The following CRYBG1 variants were observed in gnomAD, a reference collection of about 807,000 sequenced individuals.
The protein encoded by CRYBG1 is crystallin beta-gamma domain containing 1.
A neutral mutation model predicts 189.2 loss-of-function variants in CRYBG1; 139 were observed. The ratio of observed to expected loss-of-function variants is 0.73; its 90% confidence interval spans 0.64 to 0.85. The LOEUF is 0.85. CRYBG1 is among the 40% of genes least tolerant of loss of function. The pLI, the probability that CRYBG1 is intolerant of heterozygous loss-of-function variation, is 0.00. For missense variants in CRYBG1, 2,611 were observed against 2,675.8 expected (o/e 0.98, Z 0.53); for synonymous variants, 1,023 against 1,017.1 (o/e 1.01, Z -0.11).
chr6:106,480,281 C>G (rs1251798810), intron 2 of CRYBG1, among the ~76,000 whole-genome samples: 2 of 151,990 alleles, frequency 1.3e-5, no homozygotes, highest in Non-Finnish European at 2.9e-5. Flanking sequence ...AAAAGTGATG[C>G]AGTATGATAG....
At chr6:106,376,426 A>G (rs1033707688) in intron 1 of CRYBG1, among the ~76,000 whole-genome samples, 2 of 152,160 alleles carry the variant, frequency 1.3e-5, no homozygotes, top group African/African-American at 4.8e-5. Flanking sequence ...TTTAATGACT[A>G]CATGAACCTA....
chr6:106,423,398 T>A (rs1771166722), intron 1 of CRYBG1, among the ~76,000 whole-genome samples: 1 of 151,828 alleles, frequency 6.6e-6, no homozygotes, highest in Admixed American at 6.6e-5. Context: ...AAAAAAAAAA[T>A]TCCTTTATCT....
Position 106,525,280 on chromosome 6 carries a change from A to T in CRYBG1, c.4306A>T (p.Ser1436Cys). ...NPRPGKVVIYSEPDVSEKCIE... is the reference protein window; with the variant it reads ...NPRPGKVVIYCEPDVSEKCIE... Reference sequence around the variant, plus strand: ...CGTTTTCTTGCAGGTAGTGATATATAGTGAACCCGACGTCTCTGAGAAGTG... The same window carrying T: ...CGTTTTCTTGCAGGTAGTGATATATTGTGAACCCGACGTCTCTGAGAAGTG... Residue 1436 changes from serine to cysteine, a missense_variant, in exon 6 of 22, where the codon AGT (serine) becomes TGT (cysteine). Physicochemically the swap from Ser to Cys is moderately radical, Grantham distance 112. Around this residue, in one of 3 missense-constraint regions of CRYBG1, gnomAD observed 1,622 missense variants for 1,735.0 expected, o/e 0.93. Coordinates refer to ENST00000633556, the MANE Select transcript of CRYBG1 (RefSeq NM_001371242.2). 1 of 1,614,148 alleles carries T rather than the reference A, an allele frequency of 6.2e-7. No individual in the cohort carries two copies. The highest frequency in any genetic ancestry group is 8.5e-7 in the Non-Finnish European group (1 of 1,179,984).
intron 3 of CRYBG1, 21 bp downstream of exon 3, chr6:106,513,060 C>T (rs1359263039): frequency 3.8e-6 from 6 of 1,587,874 alleles, no homozygotes; most frequent in East Asian, 2.3e-5. Flanking sequence ...GCGCAAGTCC[C>T]GGCCGAGTTG....
At chr6:106,403,997 G>T (rs528610184) in intron 1 of CRYBG1, among the ~76,000 whole-genome samples, 3 of 152,368 alleles carry the variant, frequency 2.0e-5, no homozygotes, top group African/African-American at 7.2e-5. Context: ...AAGTATCAAA[G>T]TTAAGTAAAC....
intron 13 of CRYBG1, among the ~76,000 whole-genome samples, chr6:106,545,143 G>A (rs1200866136): frequency 6.6e-6 from 1 of 152,008 alleles, no homozygotes; most frequent in African/African-American, 2.4e-5. Flanking sequence ...TTACGTTTGG[G>A]GTAGGCTTTG....
At chr6:106,370,936 A>G (rs1770013215) in intron 1 of CRYBG1, among the ~76,000 whole-genome samples, 1 of 152,182 alleles carries the variant, frequency 6.6e-6, no homozygotes, top group South Asian at 2.1e-4. Flanking sequence ...CAGCACCTAT[A>G]GTCTGGTTAT....
At chr6:106,397,471 C>G (rs549037565) in intron 1 of CRYBG1, among the ~76,000 whole-genome samples, 7 of 152,236 alleles carry the variant, frequency 4.6e-5, no homozygotes, top group Non-Finnish European at 7.4e-5. Context: ...TCAAATAAGA[C>G]AAACATGAAG....
intron 6 of CRYBG1, 113 bp downstream of exon 6, chr6:106,525,499 A>C: frequency 1.3e-6 from 1 of 792,370 alleles, no homozygotes; most frequent in Non-Finnish European, 2.2e-6. Context: ...TGAAAAGCAC[A>C]GGAAATACTA....
intron 1 of CRYBG1, among the ~76,000 whole-genome samples, chr6:106,444,372 T>C (rs1343291150): frequency 1.3e-5 from 2 of 152,172 alleles, no homozygotes; most frequent in Non-Finnish European, 2.9e-5. Flanking sequence ...GCATGTGCAA[T>C]CACGCGTGAA....
chr6:106,557,189 C>G (rs891413492), intron 17 of CRYBG1, among the ~76,000 whole-genome samples: 2 of 152,138 alleles, frequency 1.3e-5, no homozygotes, highest in Non-Finnish European at 2.9e-5. Flanking sequence ...AGTAGTAATA[C>G]TACTATAATT....
At chr6:106,366,063 T>C (rs1771992412) in intron 1 of CRYBG1, among the ~76,000 whole-genome samples, 1 of 152,218 alleles carries the variant, frequency 6.6e-6, no homozygotes, top group African/African-American at 2.4e-5. Flanking sequence ...GGAGCGTTTT[T>C]CTTTTTTCTT....
At chr6:106,412,585 T>C (rs879903967) in intron 1 of CRYBG1, among the ~76,000 whole-genome samples, 2 of 152,196 alleles carry the variant, frequency 1.3e-5, no homozygotes, top group African/African-American at 2.4e-5. Flanking sequence ...GGTGTGCTTG[T>C]CATTGTTGCC....
At chr6:106,440,043 C>T (rs1771538254) in intron 1 of CRYBG1, among the ~76,000 whole-genome samples, 1 of 152,160 alleles carries the variant, frequency 6.6e-6, no homozygotes, top group Non-Finnish European at 1.5e-5. Flanking sequence ...GTACAAGAAG[C>T]CTGTGTTAAG....
Position 106,570,289 on chromosome 6 carries a change from TG to T in CRYBG1, c.*1725del, listed in dbSNP as rs1775021576. On this transcript the variant is annotated 3_prime_UTR_variant, in exon 22 of 22. Coordinates refer to ENST00000633556, the MANE Select transcript of CRYBG1 (RefSeq NM_001371242.2). ...AGTTTGTCTTGTTTTAAAATATTAT[TG>T]GTGCATGTACAACAGCATCCAACAT... is the stretch of plus-strand genomic sequence containing the variant. 6.6e-6 allele frequency: 1 copy of T among 152,238 alleles called. No individual in the cohort carries two copies. The highest frequency in any genetic ancestry group is 6.5e-5 in the Admixed American group (1 of 15,280). 9.4% of individuals were successfully genotyped at this position (152,238 alleles called of 1,614,324 possible).
chr6:106,484,292 G>A, intron 2 of CRYBG1, among the ~76,000 whole-genome samples: 1 of 148,880 alleles, frequency 6.7e-6, no homozygotes, highest in African/African-American at 2.4e-5. Context: ...CTCCAGCTTT[G>A]TTCTTTGTTT....
In CRYBG1 at chr6:106,552,185, A is replaced by G; in HGVS notation, c.5441A>G (p.Asp1814Gly). The change falls in exon 15 of 22, where the codon GAT (aspartate) becomes GGT (glycine). Residue 1814 changes from aspartate (D) to glycine (G), a missense_variant and splice_region_variant. By Grantham distance (94) the Asp-to-Gly change is moderately conservative. This residue lies in a region of CRYBG1 where 1,622 missense variants were observed against 1,735.0 expected (regional missense o/e 0.93). Coordinates refer to ENST00000633556, the MANE Select transcript of CRYBG1 (RefSeq NM_001371242.2). ...TCTCCTTCCTTTAAAAATTTTTAGG[A>G]TTCTTTCACTGGCCCAAGGAGACGA... ...KISSVQPICL[D>G]SFTGPRRRNQ... 3 of 1,587,500 alleles carry G rather than the reference A, an allele frequency of 1.9e-6. No homozygotes were observed. The highest frequency in any genetic ancestry group is 2.6e-6 in the Non-Finnish European group (3 of 1,164,240).
chr6:106,380,872 C>T (rs1770274256), intron 1 of CRYBG1, among the ~76,000 whole-genome samples: 1 of 152,024 alleles, frequency 6.6e-6, no homozygotes, highest in Non-Finnish European at 1.5e-5. Flanking sequence ...TTATTTCCAC[C>T]CTTTTCAGTG....
intron 2 of CRYBG1, among the ~76,000 whole-genome samples, chr6:106,507,679 T>A (rs1773161129): frequency 6.6e-6 from 1 of 152,176 alleles, no homozygotes; most frequent in South Asian, 2.1e-4. Flanking sequence ...CCAGCTAGTT[T>A]TTTGTCTCCA....
Sources: allele counts gnomAD v4.1 joint callset (sites outside exome capture counted in the v4.1 genomes callset), GRCh38; gene constraint gnomAD v4.1.1; regional missense constraint gnomAD v4.1.1; transcripts MANE v1.5; gene names NCBI Gene and HGNC (gene_info 2026-07-23, HGNC 2026-07-21).